Variants in MAST4 observed in about 807,000 individuals in gnomAD.
The protein encoded by MAST4 is microtubule associated serine/threonine kinase family member 4.
MAST4 carries 89 observed loss-of-function variants against 162.7 expected under a neutral mutation model. The ratio of observed to expected loss-of-function variants is 0.55; its 90% CI spans 0.46 to 0.65. MAST4 has a LOEUF of 0.65. Among genes scored for constraint, MAST4 ranks in the 30% least tolerant of loss-of-function variants. The pLI is 0.00. For synonymous variants in MAST4, 1,479 were observed against 1,361.1 expected, an observed-to-expected ratio of 1.09 and a Z score of -1.91; for missense variants, 3,153 against 3,374.0, an observed-to-expected ratio of 0.93 and a Z score of 1.62.
At position 67,167,114 on chromosome 5, in the gene MAST4, A is replaced by G. The variant is rs1774146052; in HGVS notation, c.*63A>G. On this transcript the variant is annotated 3_prime_UTR_variant, in exon 29 of 29. Coordinates refer to ENST00000403625, the MANE Select transcript of MAST4 (RefSeq NM_001164664.2). ...CTGAACGGGCGACTGTGTCTTGACT[A>G]CCTTTCAAAACCAGCACTGTGTGGG... 3.6e-6 allele frequency: 5 copies of G among 1,376,302 alleles called. No individual in the cohort carries two copies. Among genetic ancestry groups the G allele is most frequent in the African/African-American group, 1.5e-5 (1 of 68,846 alleles). The allele number at this position is 1,376,302 out of a possible 1,614,324, so 85.3% of individuals were successfully genotyped here.
chr5:66,861,374 T>G (rs1033430317), intron 3 of MAST4, among the ~76,000 whole-genome samples: 1 of 152,242 alleles, frequency 6.6e-6, no homozygotes, highest in African/African-American at 2.4e-5. Context: ...ATGAAGTGTT[T>G]ACTCATGCCA....
At chr5:66,601,869 G>A (rs1486797055) in intron 1 of MAST4, among the ~76,000 whole-genome samples, 1 of 152,140 alleles carries the variant, frequency 6.6e-6, no homozygotes, top group Non-Finnish European at 1.5e-5. Context: ...CACCTGCTGG[G>A]AACTGTTGAT....
At position 67,164,028 on chromosome 5, in the gene MAST4, G is replaced by A. The variant is rs757031283; in HGVS notation, c.4849G>A (p.Glu1617Lys). The stretch of plus-strand genomic sequence containing the variant: ...CAAGCAGGCCAGCGTGCGCGCCAGC[G>A]AGGGTGCGATGTCGGATGGCCGGGT... ...LHKQASVRAS[E>K]GAMSDGRVPA... Residue 1617 changes from glutamate to lysine, a missense_variant, in exon 29 of 29, where the codon GAG becomes AAG. Physicochemically the swap from Glu to Lys is moderately conservative, Grantham distance 56 (BLOSUM62 1). This residue lies in a region of MAST4 where 1,644 missense variants were observed against 1,495.0 expected (regional missense o/e 1.10). Transcript: ENST00000403625. The surrounding 1 kb of genome is among the most constrained non-coding windows in gnomAD (Gnocchi z 5.3). 1.5e-5 allele frequency: 24 copies of A among 1,586,166 alleles called. No individual in the cohort carries two copies. The highest frequency in any genetic ancestry group is 1.9e-5 in the Non-Finnish European group (22 of 1,166,024).
chr5:66,767,303 G>A (rs985168814), intron 2 of MAST4, among the ~76,000 whole-genome samples: 1 of 151,792 alleles, frequency 6.6e-6, no homozygotes, highest in Non-Finnish European at 1.5e-5. Flanking sequence ...ACTAAGTCAG[G>A]AAAGACCAGG....
At chr5:66,825,354 T>C (rs895895343) in intron 3 of MAST4, among the ~76,000 whole-genome samples, 12 of 147,294 alleles carry the variant, frequency 8.1e-5, no homozygotes, top group African/African-American at 2.8e-4. Flanking sequence ...CAAGGTGTCA[T>C]TAGGCAAAAG....
At chr5:67,095,759 C>T (rs1764391163) in intron 7 of MAST4, 84 bp downstream of exon 7, 1 of 1,017,284 alleles carries the variant, frequency 9.8e-7, no homozygotes, top group Admixed American at 2.9e-5. Flanking sequence ...TGGGTGTTTC[C>T]TGGTAGGGAG....
intron 1 of MAST4, among the ~76,000 whole-genome samples, chr5:66,687,682 G>A (rs1261864225): frequency 2.1e-5 from 3 of 145,878 alleles, no homozygotes; most frequent in Non-Finnish European, 4.5e-5. Context: ...CTATCTATAC[G>A]CACCACATTT....
At chr5:67,078,913 T>TAA (rs1184932403) in intron 5 of MAST4, among the ~76,000 whole-genome samples, 14,109 of 62,330 alleles carry the variant, frequency 0.23, 2,214 homozygotes, top group African/African-American at 0.25. Context: ...TTTATATAAA[T>TAA]ATATATATAT....
intron 1 of MAST4, among the ~76,000 whole-genome samples, chr5:66,705,792 C>G (rs1345631186): frequency 6.6e-6 from 1 of 152,088 alleles, no homozygotes; most frequent in African/African-American, 2.4e-5. Flanking sequence ...ATTCAAAACC[C>G]TTTTGCATAT....
rs574053106 is a variant in MAST4, at chr5:66,907,329, C to A, written c.674+7347C>A. The stretch of plus-strand genomic sequence containing the variant: ...TTCCCGAGGCTTTACCTCATCCTCC[C>A]AGGGTGCAGGTGGGCATTACTCAGA... On this transcript the variant is annotated intron_variant, in intron 4 of 28. Coordinates refer to ENST00000403625, the MANE Select transcript of MAST4 (RefSeq NM_001164664.2). 2.6e-4 allele frequency among the ~76,000 whole-genome samples: 39 copies of A among 150,060 alleles called. 2 individuals are homozygous for A. Among genetic ancestry groups the A allele is most frequent in the African/African-American group, 9.9e-4 (39 of 39,494 alleles).
chr5:66,903,013 G>A (rs1279012688), intron 4 of MAST4, among the ~76,000 whole-genome samples: 1 of 152,108 alleles, frequency 6.6e-6, no homozygotes, highest in Non-Finnish European at 1.5e-5. Flanking sequence ...TTATCAGCAG[G>A]TATAATTGCC....
intron 4 of MAST4, among the ~76,000 whole-genome samples, chr5:66,959,655 C>T (rs746781071): frequency 4.6e-5 from 7 of 152,162 alleles, no homozygotes; most frequent in Non-Finnish European, 1.0e-4. Context: ...TAAAGAAAGG[C>T]CTCTGTCTGC....
intron 4 of MAST4, among the ~76,000 whole-genome samples, chr5:66,932,759 A>G (rs549955590): frequency 1.3e-5 from 2 of 152,314 alleles, no homozygotes; most frequent in South Asian, 4.1e-4. Flanking sequence ...TATGTAAATA[A>G]TTTACACAGT....
In MAST4 at chr5:67,145,218, A is replaced by T; in HGVS notation, c.2933A>T (p.Lys978Ile). ...AAACTCAGTTCTGGCCTACTTCCCAAACTGGCTATTTCAACAGAGGGAGAG... is the reference window on the plus strand; with the variant it reads ...AAACTCAGTTCTGGCCTACTTCCCATACTGGCTATTTCAACAGAGGGAGAG... The part of the protein sequence containing the change: ...RHKLSSGLLP[K>I]LAISTEGEQD... Residue 978 changes from lysine to isoleucine, a missense_variant, in exon 23 of 29, where the codon AAA becomes ATA. Coordinates refer to ENST00000403625, the MANE Select transcript of MAST4 (RefSeq NM_001164664.2). 6.2e-7 allele frequency: 1 copy of T among 1,613,650 alleles called. No individual in the cohort carries two copies. Among genetic ancestry groups the T allele is most frequent in the Non-Finnish European group, 8.5e-7 (1 of 1,179,750 alleles).
At chr5:67,101,006 C>T (rs1040073005) in intron 8 of MAST4, among the ~76,000 whole-genome samples, 4 of 152,198 alleles carry the variant, frequency 2.6e-5, no homozygotes, top group African/African-American at 2.4e-5. Flanking sequence ...TTCTTCCCAT[C>T]GTAAGTCTTA....
chr5:67,109,011 A>C (rs759579943), intron 10 of MAST4, among the ~76,000 whole-genome samples: 10 of 152,146 alleles, frequency 6.6e-5, no homozygotes, highest in Admixed American at 1.3e-4. Flanking sequence ...AAAACCTCTA[A>C]AACTTGTTTT....
At chr5:66,944,047 G>T (rs755228231) in intron 4 of MAST4, among the ~76,000 whole-genome samples, 1 of 152,052 alleles carries the variant, frequency 6.6e-6, no homozygotes, top group African/African-American at 2.4e-5. Context: ...TAGAGTTGAC[G>T]TGTAAAATTC....
chr5:66,817,122 C>A (rs570742735), intron 3 of MAST4, among the ~76,000 whole-genome samples: 143 of 152,248 alleles, frequency 9.4e-4, no homozygotes, highest in Non-Finnish European at 1.5e-3. Flanking sequence ...ATGTGTCTTG[C>A]GACCCCATGA....
At chr5:66,863,563 C>G (rs1250590889) in intron 3 of MAST4, among the ~76,000 whole-genome samples, 1 of 152,124 alleles carries the variant, frequency 6.6e-6, no homozygotes, top group South Asian at 2.1e-4. Flanking sequence ...TTTTCCTCTC[C>G]CCATTTCTCA....
Sources: allele counts gnomAD v4.1 joint callset (sites outside exome capture counted in the v4.1 genomes callset), GRCh38; gene constraint gnomAD v4.1.1; regional missense constraint gnomAD v4.1.1; non-coding constraint Gnocchi (gnomAD v3.1); transcripts MANE v1.5; gene names NCBI Gene and HGNC (gene_info 2026-07-23, HGNC 2026-07-21).